The following KCNQ1 variants were observed in gnomAD, a reference collection of about 807,000 sequenced individuals.
KCNQ1 encodes potassium voltage-gated channel subfamily KQT member 1.
In KCNQ1, 49 loss-of-function variants were observed where a neutral mutation model predicts 72.4. The observed-to-expected ratio is 0.68, with a 90% CI of 0.54 to 0.86. The LOEUF (loss-of-function observed/expected upper bound fraction) is 0.86, where lower values mean the gene tolerates loss of function less well. Among genes scored for constraint, KCNQ1 ranks in the 40% least tolerant of loss-of-function variants. KCNQ1 has a pLI of 0.00. For synonymous variants in KCNQ1, 450 were observed against 412.6 expected (o/e 1.09, Z -1.10); for missense variants, 790 against 945.1 (o/e 0.84, Z 2.15).
chr11:2,831,728 G>A (rs1442679414), intron 15 of KCNQ1, among the ~76,000 whole-genome samples: 2 of 20,978 alleles, frequency 9.5e-5, no homozygotes, highest in Non-Finnish European at 1.8e-4. Context: ...TCCCCTCCCC[G>A]CTGCCCTCCT....
chr11:2,741,765 G>A (rs2133952775), intron 11 of KCNQ1, among the ~76,000 whole-genome samples: 1 of 152,370 alleles, frequency 6.6e-6, no homozygotes, highest in Admixed American at 6.5e-5. Context: ...GCAGCTGCGG[G>A]CGCGCAGACA....
rs779736137 is a variant in KCNQ1 at position 2,687,362 on chromosome 11, G to C, written c.1514+25281G>C. 9 of 398,540 alleles carry C rather than the reference G, an allele frequency of 2.3e-5. No homozygotes were observed. Among genetic ancestry groups the C allele is most frequent in the Non-Finnish European group, 3.5e-5 (8 of 226,108 alleles). 24.7% of individuals were successfully genotyped at this position (398,540 alleles called of 1,614,324 possible). On this transcript the variant is annotated intron_variant, in intron 11 of 15. Transcript: ENST00000155840. The surrounding 1 kb of genome is among the most constrained non-coding windows in gnomAD (Gnocchi z 5.0). Reference sequence around the variant, plus strand: ...AGGCTGAGGTAGCCAGGTCTGCCTTGGGCTGTCACTCAGGGCTGAGCTCTG... The same window carrying C: ...AGGCTGAGGTAGCCAGGTCTGCCTTCGGCTGTCACTCAGGGCTGAGCTCTG...
intron 10 of KCNQ1, chr11:2,655,672 T>TGGGGGGGGGGGGGGGCCCC: frequency 2.6e-6 from 1 of 389,748 alleles, no homozygotes; most frequent in South Asian, 1.4e-4. Context: ...AAGAGCTGAA[T>TGGGGGGGGGGGGGGGCCCC]CCCCACCCAC....
chr11:2,581,051 A>G (rs943656686), intron 6 of KCNQ1, among the ~76,000 whole-genome samples: 19 of 152,222 alleles, frequency 1.2e-4, no homozygotes, highest in African/African-American at 4.3e-4. Flanking sequence ...AGGAATCAGC[A>G]TGTTCATACT....
rs115782417 is a variant in KCNQ1, at chr11:2,566,508, G to A, written c.478-4120G>A. 4.4e-3 allele frequency among the ~76,000 whole-genome samples: 677 copies of A among 152,138 alleles called. 2 individuals are homozygous for A. The highest frequency in any genetic ancestry group is 0.015 in the African/African-American group (612 of 41,488). On this transcript the variant is annotated intron_variant, in intron 2 of 15. Transcript: ENST00000155840. This position sits in a 1 kb window ranked among gnomAD's most constrained non-coding sequence, Gnocchi z 6.7. Reference sequence around the variant, plus strand: ...GAACAGAGGCCACCACCCCCATTATGTGGGTCTGTGTTTGCTCTGTGCACG... The same window carrying A: ...GAACAGAGGCCACCACCCCCATTATATGGGTCTGTGTTTGCTCTGTGCACG...
chr11:2,714,234 T>TG (rs751466349), intron 11 of KCNQ1, among the ~76,000 whole-genome samples: 135 of 152,164 alleles, frequency 8.9e-4, no homozygotes, highest in Admixed American at 1.6e-3. Context: ...CCGCATCTCA[T>TG]GGGGGGGTTG....
intron 11 of KCNQ1, among the ~76,000 whole-genome samples, chr11:2,718,411 C>T (rs1467337349): frequency 6.6e-6 from 1 of 152,194 alleles, no homozygotes; most frequent in Admixed American, 6.5e-5. Context: ...ACTTGATCCC[C>T]GCAGCACCAG....
chr11:2,743,581 C>A (rs1846092392), intron 11 of KCNQ1, among the ~76,000 whole-genome samples: 1 of 152,208 alleles, frequency 6.6e-6, no homozygotes, highest in African/African-American at 2.4e-5. Flanking sequence ...CTACGCCAGT[C>A]CCTGCATGGC....
At chr11:2,747,801 G>C (rs1256668800) in intron 11 of KCNQ1, among the ~76,000 whole-genome samples, 1 of 152,126 alleles carries the variant, frequency 6.6e-6, no homozygotes, top group Non-Finnish European at 1.5e-5. Flanking sequence ...GAGATCAGAA[G>C]GAGGTGGTGG....
rs1850155388 is a variant in KCNQ1, at chr11:2,670,204, G to A, written c.1514+8123G>A. ...CACATTAAAGCAGAGTGAAGAGCAG[G>A]GCGAGCTGTGTAGCTCACCTGCCTT... On this transcript the variant is annotated intron_variant, in intron 11 of 15. Transcript: ENST00000155840. This position sits in a 1 kb window ranked among gnomAD's most constrained non-coding sequence, Gnocchi z 4.9. The A allele has an allele frequency of 5.0e-6, 2 of 398,554 alleles. No homozygotes were observed. The highest frequency in any genetic ancestry group is 7.1e-5 in the East Asian group (2 of 28,066). The allele number at this position is 398,554 out of a possible 1,614,324, so 24.7% of individuals were successfully genotyped here. A position where few individuals can be genotyped will look rare whatever the true frequency, so the allele number is the denominator to read the frequency against.
Position 2,464,770 on chromosome 11 carries a change from C to A in KCNQ1, c.386+19286C>A, listed in dbSNP as rs776293038. Among the ~76,000 whole-genome samples the A allele has an allele frequency of 3.4e-5, 5 of 149,036 alleles. No individual in the cohort carries two copies. Among genetic ancestry groups the A allele is most frequent in the Non-Finnish European group, 7.4e-5 (5 of 67,862 alleles). ...GGAGGAAAGGGTGGCTCTGCTGACC[C>A]CTCCTAGGTGGGCTGGGGCTGAGGC... is the stretch of plus-strand genomic sequence containing the variant. On this transcript the variant is annotated intron_variant, in intron 1 of 15. Coordinates refer to ENST00000155840, the MANE Select transcript of KCNQ1 (RefSeq NM_000218.3). This position sits in a 1 kb window ranked among gnomAD's most constrained non-coding sequence, Gnocchi z 5.0.
chr11:2,799,592 A>G (rs1564897941), intron 15 of KCNQ1, among the ~76,000 whole-genome samples: 1 of 151,796 alleles, frequency 6.6e-6, no homozygotes, highest in Non-Finnish European at 1.5e-5. Context: ...TGGTGTGTAT[A>G]TGTTGTATCC....
At chr11:2,510,949 C>A (rs1847190080) in intron 1 of KCNQ1, among the ~76,000 whole-genome samples, 1 of 152,240 alleles carries the variant, frequency 6.6e-6, no homozygotes, top group Non-Finnish European at 1.5e-5. Flanking sequence ...AGCTCTCTAC[C>A]CGATTCAGAT....
Position 2,585,320 on chromosome 11 carries a change from C to A in KCNQ1, c.1128+13C>A, listed in dbSNP as rs1218132232. On this transcript the variant is annotated intron_variant, in intron 8 of 15. Coordinates refer to ENST00000155840, the MANE Select transcript of KCNQ1 (RefSeq NM_000218.3). ...CTCACTCATTCAGGTGCGGTGCCTG[C>A]AAGGCCCTGGTCACTGTCATTTTGG... The A allele has an allele frequency of 6.2e-6, 10 of 1,608,444 alleles. No individual in the cohort carries two copies. The African/African-American group carries it at 8.0e-5, about 13-fold the overall frequency.
Position 2,471,281 on chromosome 11 carries a change from G to T in KCNQ1, c.386+25797G>T, listed in dbSNP as rs1457792349. Among the ~76,000 whole-genome samples, 2 of 152,276 alleles carry T rather than the reference G, an allele frequency of 1.3e-5. No individual in the cohort carries two copies. Among genetic ancestry groups the T allele is most frequent in the Admixed American group, 1.3e-4 (2 of 15,302 alleles). On this transcript the variant is annotated intron_variant, in intron 1 of 15. Transcript: ENST00000155840. The surrounding 1 kb of genome is among the most constrained non-coding windows in gnomAD (Gnocchi z 4.8). ...ACCCCACCTCTGTGTTGCTCTGCAA[G>T]TGGGGATCAGCAGGGCTGTACCCCA...
intron 10 of KCNQ1, chr11:2,630,005 AG>A: frequency 2.5e-6 from 1 of 397,100 alleles, no homozygotes; most frequent in Non-Finnish European, 4.4e-6. Flanking sequence ...CTCATCTTAG[AG>A]GAGAGGCATT....
Position 2,536,395 on chromosome 11 carries a change from GC to G in KCNQ1, c.477+8381del, listed in dbSNP as rs1847732487. On this transcript the variant is annotated intron_variant, in intron 2 of 15. Transcript: ENST00000155840. The surrounding 1 kb of genome is among the most constrained non-coding windows in gnomAD (Gnocchi z 7.4). ...GGAAGGAAGGGAGGCTGGGGTGGGT[GC>G]CCCGAGTGCCTTGTTGGAGTGGAGG... Among the ~76,000 whole-genome samples, 1 of 152,010 alleles carries G rather than the reference GC, an allele frequency of 6.6e-6. No homozygotes were observed. Among genetic ancestry groups the G allele is most frequent in the African/African-American group, 2.4e-5 (1 of 41,404 alleles).
At position 2,713,867 on chromosome 11, in the gene KCNQ1, C is replaced by T. The variant is rs1461427092; in HGVS notation, c.1514+51786C>T. Among the ~76,000 whole-genome samples the T allele has an allele frequency of 2.6e-5, 4 of 152,232 alleles. No homozygotes were observed. The highest frequency in any genetic ancestry group is 2.1e-4 in the South Asian group (1 of 4,836). On this transcript the variant is annotated intron_variant, in intron 11 of 15. Coordinates refer to ENST00000155840, the MANE Select transcript of KCNQ1 (RefSeq NM_000218.3). This position sits in a 1 kb window ranked among gnomAD's most constrained non-coding sequence, Gnocchi z 5.6. ...GCAATATTGCTTCCAGATGGGCAAA[C>T]GCGCGCTCGGAGCCTGGCCCTGCAG...
Position 2,791,703 on chromosome 11 carries a change from G to C in KCNQ1, c.1794+13666G>C, listed in dbSNP as rs547621319. 3.3e-5 allele frequency among the ~76,000 whole-genome samples: 5 copies of C among 152,190 alleles called. No homozygotes were observed. In the South Asian group the frequency reaches 1.0e-3, roughly 32 times the overall value. ...GGGGCTTGGCGGCAGCTGCGGGTGG[G>C]GGTGGGGGGCCCGGGCCTCCCGGGC... On this transcript the variant is annotated intron_variant, in intron 15 of 15. Transcript: ENST00000155840.
Sources: allele counts gnomAD v4.1 joint callset (sites outside exome capture counted in the v4.1 genomes callset), GRCh38; gene constraint gnomAD v4.1.1; non-coding constraint Gnocchi (gnomAD v3.1); transcripts MANE v1.5; gene names NCBI Gene and HGNC (gene_info 2026-07-23, HGNC 2026-07-21).